CNTN4: variants seen among roughly 807,000 people sequenced by gnomAD.
The protein encoded by CNTN4 is contactin 4, also known as contactin-4.
A neutral mutation model predicts 122.5 loss-of-function variants in CNTN4; 77 were observed. That is an observed-to-expected ratio of 0.63 (90% CI 0.52 to 0.76). The LOEUF is 0.76. CNTN4 is among the 30% of genes least tolerant of loss of function. The pLI is 0.00. For missense variants in CNTN4, 1,256 were observed against 1,259.1 expected (o/e 1.00, Z 0.04); for synonymous variants, 512 against 447.0 (o/e 1.15, Z -1.83).
chr3:3,037,057 C>T (rs941575818), intron 17 of CNTN4, 122 bp from the exon 18 acceptor site: 1 of 1,145,232 alleles, frequency 8.7e-7, no homozygotes, highest in African/African-American at 1.5e-5. Context: ...TATCAGAACA[C>T]CTACACTGCC....
rs1447171495 is a variant in CNTN4 at position 2,841,285 on chromosome 3, C to T, written c.454+21704C>T. ...TGTGTTAATATATAGTGCAAAGTTTCCAATGTAGTTAGAGTTACTACAACC... is the reference window on the plus strand; with the variant it reads ...TGTGTTAATATATAGTGCAAAGTTTTCAATGTAGTTAGAGTTACTACAACC... On this transcript the variant is annotated intron_variant, in intron 7 of 24. Transcript: ENST00000418658. This position sits in a 1 kb window ranked among gnomAD's most constrained non-coding sequence, Gnocchi z 4.8. Among the ~76,000 whole-genome samples, 1 of 152,070 alleles carries T rather than the reference C, an allele frequency of 6.6e-6. No homozygotes were observed. Among genetic ancestry groups the T allele is most frequent in the African/African-American group, 2.4e-5 (1 of 41,412 alleles).
intron 2 of CNTN4, among the ~76,000 whole-genome samples, chr3:2,256,473 G>A (rs1348085401): frequency 2.6e-5 from 4 of 152,080 alleles, no homozygotes; most frequent in African/African-American, 9.7e-5. Flanking sequence ...CCAAAACCTG[G>A]CAGAGACACA....
chr3:2,138,706 A>G (rs751363576), intron 2 of CNTN4, among the ~76,000 whole-genome samples: 3 of 152,158 alleles, frequency 2.0e-5, no homozygotes, highest in Non-Finnish European at 2.9e-5. Flanking sequence ...ACTGGTATTT[A>G]TACCATTTCC....
intron 3 of CNTN4, among the ~76,000 whole-genome samples, chr3:2,561,514 A>G (rs528940212): frequency 1.5e-4 from 23 of 152,146 alleles, no homozygotes; most frequent in African/African-American, 5.1e-4. Context: ...CCCCTTTGGC[A>G]CGGTGTGCTC....
chr3:2,818,829 C>G (rs116099408), intron 6 of CNTN4, among the ~76,000 whole-genome samples: 182 of 152,280 alleles, frequency 1.2e-3, no homozygotes, highest in African/African-American at 4.0e-3. Flanking sequence ...ATATTTCAAA[C>G]TACACCACAA....
intron 3 of CNTN4, among the ~76,000 whole-genome samples, chr3:2,413,246 T>C (rs1392941998): frequency 6.6e-6 from 1 of 152,236 alleles, no homozygotes; most frequent in Non-Finnish European, 1.5e-5. Context: ...GATTGCTTCT[T>C]GACTACAAAT....
intron 6 of CNTN4, among the ~76,000 whole-genome samples, chr3:2,815,304 C>A (rs1386237530): frequency 6.6e-6 from 1 of 152,140 alleles, no homozygotes; most frequent in Non-Finnish European, 1.5e-5. Context: ...GAACGGACAA[C>A]CCACAGAGTG....
chr3:2,769,324 G>T (rs531124131), intron 6 of CNTN4, among the ~76,000 whole-genome samples: 1 of 151,974 alleles, frequency 6.6e-6, no homozygotes, highest in Non-Finnish European at 1.5e-5. Flanking sequence ...AATTAGTCGG[G>T]CGTGGTGGCG....
chr3:2,911,007 C>T (rs531097629), intron 12 of CNTN4, among the ~76,000 whole-genome samples: 2 of 152,322 alleles, frequency 1.3e-5, no homozygotes, highest in Admixed American at 6.5e-5. Context: ...CTCCCCACAG[C>T]GTAGCACAGA....
chr3:2,465,625 C>T (rs1026717434), intron 3 of CNTN4, among the ~76,000 whole-genome samples: 10 of 152,006 alleles, frequency 6.6e-5, no homozygotes, highest in East Asian at 3.9e-4. Flanking sequence ...TGCAGTGAGC[C>T]GAGATTGCGC....
chr3:2,480,852 G>A (rs118185224), intron 3 of CNTN4, among the ~76,000 whole-genome samples: 1 of 152,302 alleles, frequency 6.6e-6, no homozygotes, highest in East Asian at 1.9e-4. Context: ...AAGAAATGCT[G>A]TATAGCTACA....
At chr3:2,193,200 C>T (rs1284730151) in intron 2 of CNTN4, among the ~76,000 whole-genome samples, 2 of 152,138 alleles carry the variant, frequency 1.3e-5, no homozygotes, top group Non-Finnish European at 2.9e-5. Flanking sequence ...ATTATCTCTT[C>T]AGTACAGAAT....
chr3:2,213,654 C>T (rs544694080), intron 2 of CNTN4, among the ~76,000 whole-genome samples: 2 of 152,142 alleles, frequency 1.3e-5, no homozygotes, highest in Admixed American at 6.5e-5. Context: ...GCACTCCAGG[C>T]TCCCATTGGT....
At chr3:2,939,162 A>T (rs1166872722) in intron 13 of CNTN4, among the ~76,000 whole-genome samples, 1 of 152,224 alleles carries the variant, frequency 6.6e-6, no homozygotes, top group Non-Finnish European at 1.5e-5. Flanking sequence ...CAGATATGCC[A>T]GAGTTAATTA....
intron 13 of CNTN4, among the ~76,000 whole-genome samples, chr3:2,939,130 T>A (rs2094590843): frequency 6.6e-6 from 1 of 152,112 alleles, no homozygotes; most frequent in African/African-American, 2.4e-5. Flanking sequence ...CATTATAGAG[T>A]TTTCTCCTCA....
chr3:2,388,168 A>G (rs1424704607), intron 3 of CNTN4, among the ~76,000 whole-genome samples: 1 of 152,218 alleles, frequency 6.6e-6, no homozygotes, highest in Non-Finnish European at 1.5e-5. Context: ...TTCATGCTGA[A>G]AGAGCCAGTA....
In CNTN4 at chr3:2,977,258, G is replaced by T. The variant is rs538681356; in HGVS notation, c.1359-11087G>T. Among the ~76,000 whole-genome samples the T allele has an allele frequency of 1.3e-5, 2 of 152,152 alleles. 1 individual carries two copies. Among genetic ancestry groups the T allele is most frequent in the African/African-American group, 4.8e-5 (2 of 41,444 alleles). On this transcript the variant is annotated intron_variant, in intron 13 of 24. Coordinates refer to ENST00000418658, the MANE Select transcript of CNTN4 (RefSeq NM_175607.3). The stretch of plus-strand genomic sequence containing the variant: ...TAGAATACCATAGGTTGCCATTTTG[G>T]TGTAGATCCTCCTCTGTCTTATTTT...
chr3:3,019,781 TATATATATATATA>T (rs1698120266), intron 14 of CNTN4, among the ~76,000 whole-genome samples: 2 of 119,166 alleles, frequency 1.7e-5, no homozygotes, highest in Non-Finnish European at 3.6e-5. Context: ...TATATATATA[TATATATATATATA>T]TATACACATG....
chr3:2,346,513 A>G (rs527718252), intron 3 of CNTN4, among the ~76,000 whole-genome samples: 1 of 152,218 alleles, frequency 6.6e-6, no homozygotes, highest in African/African-American at 2.4e-5. Flanking sequence ...AATTTTTAGT[A>G]GCTTCTTTTA....
Sources: gnomAD v4.1 joint callset for allele counts (sites outside exome capture counted in the v4.1 genomes callset) on GRCh38, gnomAD v4.1.1 for gene constraint, Gnocchi (gnomAD v3.1) non-coding constraint, MANE v1.5 for transcripts, NCBI Gene and HGNC (gene_info 2026-07-23, HGNC 2026-07-21) for gene names.